USP25: variants seen among roughly 807,000 people sequenced by gnomAD.
The protein encoded by USP25 is ubiquitin specific peptidase 25.
In USP25, 85 loss-of-function variants were observed where a neutral mutation model predicts 158.5. That is an observed-to-expected ratio of 0.54 (90% CI 0.45 to 0.64). The LOEUF (loss-of-function observed/expected upper bound fraction) is 0.64, where lower values mean the gene tolerates loss of function less well. Ranked by LOEUF, USP25 falls within the 30% of genes least tolerant of loss-of-function variation. USP25 has a pLI of 0.00. For missense variants in USP25, 1,242 were observed against 1,327.3 expected (o/e 0.94, Z 1.00); for synonymous variants, 464 against 460.4 (o/e 1.01, Z -0.10).
intron 8 of USP25, among the ~76,000 whole-genome samples, chr21:15,809,589 G>A (rs1464844099): frequency 6.6e-6 from 1 of 152,114 alleles, no homozygotes; most frequent in African/African-American, 2.4e-5. Flanking sequence ...AAAACAGTAT[G>A]GGGATTTCTT....
At chr21:15,790,653 T>C (rs1438740572) in intron 4 of USP25, among the ~76,000 whole-genome samples, 1 of 148,266 alleles carries the variant, frequency 6.7e-6, no homozygotes, top group Non-Finnish European at 1.5e-5. Context: ...CAAGTTTCTT[T>C]TTTTTTTTTT....
intron 9 of USP25, among the ~76,000 whole-genome samples, chr21:15,817,429 A>C (rs1465268125): frequency 6.6e-6 from 1 of 152,104 alleles, no homozygotes; most frequent in African/African-American, 2.4e-5. Context: ...ATGACCACCC[A>C]CTTCACACAG....
At chr21:15,841,431 A>G (rs78981778) in intron 17 of USP25, among the ~76,000 whole-genome samples, 11,428 of 152,110 alleles carry the variant, frequency 0.075, 503 homozygotes, top group East Asian at 0.099. Flanking sequence ...ATTATGTACT[A>G]TATTATATAC....
chr21:15,782,898 A>G lies in USP25; in HGVS notation c.392+4871A>G, dbSNP rs546313216. 6.6e-5 allele frequency among the ~76,000 whole-genome samples: 10 copies of G among 152,344 alleles called. 1 individual carries two copies. In the East Asian group the frequency reaches 1.7e-3, roughly 26 times the overall value. On this transcript the variant is annotated intron_variant, in intron 4 of 25. Coordinates refer to ENST00000400183, the MANE Select transcript of USP25 (RefSeq NM_001283041.3). ...CTGGCACCACAATGCATCTTTAGTA[A>G]TGGAATCCAAAGAAAAGAATATTTA... is the stretch of plus-strand genomic sequence containing the variant.
chr21:15,830,008 T>C (rs1329461562), intron 14 of USP25, among the ~76,000 whole-genome samples: 1 of 152,162 alleles, frequency 6.6e-6, no homozygotes, highest in Non-Finnish European at 1.5e-5. Flanking sequence ...TTTTAAAAAT[T>C]ATTGTGGACA....
chr21:15,774,240 A>G (rs1260822156), intron 3 of USP25, among the ~76,000 whole-genome samples: 3 of 152,190 alleles, frequency 2.0e-5, no homozygotes, highest in Non-Finnish European at 4.4e-5. Context: ...TCTTTTACCC[A>G]TGCATGAGTT....
chr21:15,827,137 G>A lies in USP25; in HGVS notation c.1627G>A (p.Glu543Lys), dbSNP rs1473643619. 2.5e-6 allele frequency: 4 copies of A among 1,614,060 alleles called. No individual in the cohort carries two copies. The highest frequency in any genetic ancestry group is 1.7e-5 in the Admixed American group (1 of 59,990). ...TCCGGCACCAAGGCACATAACGGAG[G>A]AAGAACTTTCTGTGCTGGAAAGTTG... is the stretch of plus-strand genomic sequence containing the variant. Reference protein sequence around the residue: ...MHPAPRHITEEELSVLESCLH... With the variant: ...MHPAPRHITEKELSVLESCLH... The change falls in exon 14 of 26, where the codon GAA (glutamate) becomes AAA (lysine). Residue 543 changes from glutamate to lysine, a missense_variant. By Grantham distance (56) the Glu-to-Lys change is moderately conservative (BLOSUM62 1). This residue lies in a region of USP25 where 627 missense variants were observed against 701.4 expected (regional missense o/e 0.89). Transcript: ENST00000400183.
rs1568882763 is a variant in USP25, at chr21:15,846,154, A to AT, written c.2338-1508dup. ...TATATATATATATATATATATATAT[A>AT]TATATTTTTTTTTTTTTTTTTTTTT... On this transcript the variant is annotated intron_variant, in intron 18 of 25. Transcript: ENST00000400183. 2.6e-3 allele frequency among the ~76,000 whole-genome samples: 111 copies of AT among 43,512 alleles called. 2 individuals are homozygous for AT. Among genetic ancestry groups the AT allele is most frequent in the East Asian group, 0.011 (13 of 1,152 alleles). The allele number at this position is 43,512 out of a possible 152,430, so 28.5% of individuals were successfully genotyped here.
At chr21:15,785,181 TAATC>T (rs1466599978) in intron 4 of USP25, among the ~76,000 whole-genome samples, 3 of 151,722 alleles carry the variant, frequency 2.0e-5, no homozygotes, top group East Asian at 1.9e-4. Flanking sequence ...AATAATAAAA[TAATC>T]AATTCACCAA....
chr21:15,750,725 G>A (rs1352856607), intron 1 of USP25, among the ~76,000 whole-genome samples: 4 of 151,590 alleles, frequency 2.6e-5, no homozygotes, highest in Non-Finnish European at 5.9e-5. Context: ...TCCTACCTCA[G>A]CCTCCCCAGT....
chr21:15,756,499 C>A (rs1374671963), intron 1 of USP25, among the ~76,000 whole-genome samples: 1 of 151,834 alleles, frequency 6.6e-6, no homozygotes, highest in Non-Finnish European at 1.5e-5. Flanking sequence ...TTTTTTGCAT[C>A]CTCAAAAAGT....
chr21:15,802,511 A>G (rs1360238538), intron 6 of USP25, among the ~76,000 whole-genome samples: 1 of 151,632 alleles, frequency 6.6e-6, no homozygotes, highest in Non-Finnish European at 1.5e-5. Context: ...AAATCCCCAG[A>G]TAGTTGGAAA....
At chr21:15,745,249 C>T (rs1029236167) in intron 1 of USP25, among the ~76,000 whole-genome samples, 2 of 152,020 alleles carry the variant, frequency 1.3e-5, no homozygotes, top group African/African-American at 4.8e-5. Context: ...AAGATTATTT[C>T]CCAATTTCTT....
chr21:15,822,279 C>G (rs1360162961), intron 10 of USP25, among the ~76,000 whole-genome samples: 1 of 151,926 alleles, frequency 6.6e-6, no homozygotes, highest in Non-Finnish European at 1.5e-5. Context: ...CTCATCTTGT[C>G]CCCATCAGCT....
intron 5 of USP25, among the ~76,000 whole-genome samples, chr21:15,796,926 G>A (rs978864978): frequency 6.6e-5 from 10 of 151,402 alleles, no homozygotes; most frequent in Non-Finnish European, 1.5e-5. Context: ...GGAATTAAAA[G>A]CAAGATTGCG....
At chr21:15,779,301 A>G (rs918215891) in intron 4 of USP25, among the ~76,000 whole-genome samples, 1 of 152,040 alleles carries the variant, frequency 6.6e-6, no homozygotes, top group Non-Finnish European at 1.5e-5. Context: ...ATTGCAATGC[A>G]TAATTGTCTT....
intron 17 of USP25, among the ~76,000 whole-genome samples, chr21:15,836,900 G>A (rs1057161634): frequency 5.4e-5 from 8 of 148,052 alleles, no homozygotes; most frequent in Admixed American, 1.3e-4. Flanking sequence ...TTTTCAGCCA[G>A]CCATCCTTTG....
At chr21:15,749,908 C>CT (rs1287770571) in intron 1 of USP25, among the ~76,000 whole-genome samples, 1 of 152,126 alleles carries the variant, frequency 6.6e-6, no homozygotes, top group African/African-American at 2.4e-5. Flanking sequence ...AATATTTGGT[C>CT]TTTTTCCCTT....
chr21:15,849,900 CT>C, intron 20 of USP25, 28 bp downstream of exon 20: 1 of 1,421,656 alleles, frequency 7.0e-7, no homozygotes, highest in Non-Finnish European at 9.4e-7. Context: ...ATTTTCGTGT[CT>C]TTTCTTTTTC....
Sources: gnomAD v4.1 joint callset for allele counts (sites outside exome capture counted in the v4.1 genomes callset) on GRCh38, gnomAD v4.1.1 for gene constraint, gnomAD v4.1.1 regional missense constraint, MANE v1.5 for transcripts, NCBI Gene and HGNC (gene_info 2026-07-23, HGNC 2026-07-21) for gene names.